USP6NL: variants seen among roughly 807,000 people sequenced by gnomAD.
The protein encoded by USP6NL is USP6 N-terminal-like protein.
A neutral mutation model predicts 61.9 loss-of-function variants in USP6NL; 26 were observed. That is an observed-to-expected ratio of 0.42 (90% confidence interval 0.31 to 0.58). The LOEUF (loss-of-function observed/expected upper bound fraction) is 0.58. Ranked by LOEUF, USP6NL falls within the 20% of genes least tolerant of loss-of-function variation. USP6NL has a pLI of 0.16. For missense variants in USP6NL, 1,114 were observed against 1,034.3 expected, an observed-to-expected ratio of 1.08 and a Z score of -1.06; for synonymous variants, 432 against 390.1, an observed-to-expected ratio of 1.11 and a Z score of -1.27.
At chr10:11,554,300 C>T (rs1455766525) in intron 2 of USP6NL, among the ~76,000 whole-genome samples, 1 of 152,184 alleles carries the variant, frequency 6.6e-6, no homozygotes, top group Non-Finnish European at 1.5e-5. Context: ...CAAGATCCTA[C>T]AGAAAAAGAA....
chr10:11,584,004 G>A (rs1486887380), intron 2 of USP6NL, among the ~76,000 whole-genome samples: 1 of 152,156 alleles, frequency 6.6e-6, no homozygotes, highest in East Asian at 1.9e-4. Flanking sequence ...ACTCCAGCCT[G>A]GGCGACACAG....
chr10:11,481,852 G>A lies in USP6NL; in HGVS notation c.996C>T (p.Phe332=), dbSNP rs544302829. 7 of 1,612,512 alleles carry A rather than the reference G, an allele frequency of 4.3e-6. No homozygotes were observed. The East Asian group carries it at 1.3e-4, about 31-fold the overall frequency. Residue 332 remains phenylalanine, a synonymous_variant, in exon 14 of 15, where the codon TTC becomes TTT. Transcript: ENST00000609104. This position sits in a 1 kb window ranked among gnomAD's most constrained non-coding sequence, Gnocchi z 4.4. ...FFQETLAKDF[F]FEDDFVIEQL... ...GCTCTATCACAAAATCATCTTCAAA[G>A]AAAAAATCCTTTGCCAGGGTCTCCT... is the stretch of plus-strand genomic sequence containing the variant.
At chr10:11,477,472 A>G (rs981032302) in intron 14 of USP6NL, among the ~76,000 whole-genome samples, 3 of 152,236 alleles carry the variant, frequency 2.0e-5, no homozygotes, top group Non-Finnish European at 4.4e-5. Context: ...TAGAAGATAA[A>G]TCAAAACATT....
At chr10:11,580,497 C>T (rs1452036568) in intron 2 of USP6NL, among the ~76,000 whole-genome samples, 1 of 152,058 alleles carries the variant, frequency 6.6e-6, no homozygotes. Flanking sequence ...ACAACAAGAA[C>T]TTAATAAAGT....
intron 1 of USP6NL, among the ~76,000 whole-genome samples, chr10:11,606,161 A>ATTTGTTGCT (rs1838701561): frequency 6.6e-6 from 1 of 152,240 alleles, no homozygotes; most frequent in South Asian, 2.1e-4. Context: ...AGCAACAAAG[A>ATTTGTTGCT]AGGAATAAAC....
chr10:11,581,395 C>T (rs1340835871), intron 2 of USP6NL, among the ~76,000 whole-genome samples: 1 of 152,254 alleles, frequency 6.6e-6, no homozygotes, highest in African/African-American at 2.4e-5. Context: ...TTGGACTCTG[C>T]TCTAAGCCTA....
intron 6 of USP6NL, among the ~76,000 whole-genome samples, chr10:11,509,011 T>G (rs1351940237): frequency 6.6e-6 from 1 of 152,230 alleles, no homozygotes; most frequent in African/African-American, 2.4e-5. Context: ...TTCTCACTGT[T>G]TAAAGACTTT....
intron 2 of USP6NL, among the ~76,000 whole-genome samples, chr10:11,593,098 G>A (rs1838206926): frequency 6.6e-6 from 1 of 152,172 alleles, no homozygotes; most frequent in Admixed American, 6.5e-5. Flanking sequence ...ACACTCCAGT[G>A]TCATAGATTC....
Position 11,591,256 on chromosome 10 carries a change from G to T in USP6NL, c.4+6375C>A, listed in dbSNP as rs1049251043. Among the ~76,000 whole-genome samples the T allele has an allele frequency of 3.3e-5, 5 of 151,864 alleles. No homozygotes were observed. Among genetic ancestry groups the T allele is most frequent in the Non-Finnish European group, 5.9e-5 (4 of 67,932 alleles). ...TTCTCTTAAGAATGGAGAGTCTCTT[G>T]AAACTATTATAAAGAAGTCATTTGG... is the stretch of plus-strand genomic sequence containing the variant. On this transcript the variant is annotated intron_variant, in intron 2 of 14. Transcript: ENST00000609104. The surrounding 1 kb of genome is among the most constrained non-coding windows in gnomAD (Gnocchi z 4.7).
intron 2 of USP6NL, among the ~76,000 whole-genome samples, chr10:11,554,612 G>T (rs796700846): frequency 2.6e-5 from 4 of 152,074 alleles, no homozygotes; most frequent in Non-Finnish European, 5.9e-5. Flanking sequence ...GCTCAAACAT[G>T]ATTGGACTAA....
chr10:11,493,027 G>A lies in USP6NL; in HGVS notation c.494+92C>T, dbSNP rs998881629. 1.9e-5 allele frequency: 21 copies of A among 1,117,638 alleles called. No homozygotes were observed. The South Asian group carries it at 2.0e-4, about 11-fold the overall frequency. The allele number at this position is 1,117,638 out of a possible 1,614,324, so 69.2% of individuals were successfully genotyped here. On this transcript the variant is annotated intron_variant, in intron 8 of 14. Transcript: ENST00000609104. The stretch of plus-strand genomic sequence containing the variant: ...AGCTTAAACCTTTAGGACCTAAATC[G>A]AAATTACAGTCTATAAAGGCATTCT...
At position 11,525,324 on chromosome 10, in the gene USP6NL, A is replaced by C; in HGVS notation, c.155+62T>G. On this transcript the variant is annotated intron_variant, in intron 4 of 14. Coordinates refer to ENST00000609104, the MANE Select transcript of USP6NL (RefSeq NM_014688.5). This position sits in a 1 kb window ranked among gnomAD's most constrained non-coding sequence, Gnocchi z 5.0. ...TATATTAAAAATAAAGAAAATCAAT[A>C]TAATAGGTGACCACAGAAACGTTAT... 2.3e-6 allele frequency: 3 copies of C among 1,331,246 alleles called. No individual in the cohort carries two copies. In the South Asian group the frequency reaches 4.0e-5, roughly 18 times the overall value. 82.5% of individuals were successfully genotyped at this position (1,331,246 alleles called of 1,614,324 possible).
At chr10:11,568,025 G>A (rs1035006740) in intron 2 of USP6NL, among the ~76,000 whole-genome samples, 3 of 152,032 alleles carry the variant, frequency 2.0e-5, no homozygotes, top group African/African-American at 4.8e-5. Context: ...AACCACTCAC[G>A]TAACTGTGGA....
rs61844562 is a variant in USP6NL, at chr10:11,513,905, C to A, written c.196-4230G>T. Among the ~76,000 whole-genome samples, 17,212 of 152,194 alleles carry A rather than the reference C, an allele frequency of 0.11. 1,285 individuals carry two copies. The highest frequency in any genetic ancestry group is 0.16 in the East Asian group (829 of 5,176). On this transcript the variant is annotated intron_variant, in intron 5 of 14. Coordinates refer to ENST00000609104, the MANE Select transcript of USP6NL (RefSeq NM_014688.5). The surrounding 1 kb of genome is among the most constrained non-coding windows in gnomAD (Gnocchi z 4.7). ...GCCTTGGCCTTTGTCTCTGATGACA[C>A]TGATGTTTTGAAAAGTCAAGGCCAC...
chr10:11,484,428 T>A (rs942036589), intron 13 of USP6NL, among the ~76,000 whole-genome samples: 1 of 151,882 alleles, frequency 6.6e-6, no homozygotes, highest in African/African-American at 2.4e-5. Context: ...GCTCCATTTA[T>A]CTGCCTATAG....
intron 2 of USP6NL, among the ~76,000 whole-genome samples, chr10:11,580,476 C>T (rs1015975936): frequency 6.6e-6 from 1 of 151,992 alleles, no homozygotes; most frequent in Non-Finnish European, 1.5e-5. Flanking sequence ...GGGAAATAAT[C>T]GAAATGTCCG....
chr10:11,604,969 T>C (rs2133689322), intron 1 of USP6NL, among the ~76,000 whole-genome samples: 1 of 152,340 alleles, frequency 6.6e-6, no homozygotes, highest in East Asian at 1.9e-4. Context: ...GACTACTGTA[T>C]GTTATGTGAG....
At chr10:11,603,948 T>C (rs1318922138) in intron 1 of USP6NL, among the ~76,000 whole-genome samples, 1 of 152,192 alleles carries the variant, frequency 6.6e-6, no homozygotes, top group East Asian at 1.9e-4. Context: ...TGGTGGACTA[T>C]AAGCCTTGCA....
rs1591827251 is a variant in USP6NL, at chr10:11,481,302, A to G, written c.1078+468T>C. ...AGAAAAACTGGCCTGCAGTCTCAGT[A>G]ATGCTATTTGTGGTTCTGTGGCTTC... On this transcript the variant is annotated intron_variant, in intron 14 of 14. Coordinates refer to ENST00000609104, the MANE Select transcript of USP6NL (RefSeq NM_014688.5). This position sits in a 1 kb window ranked among gnomAD's most constrained non-coding sequence, Gnocchi z 4.4. Among the ~76,000 whole-genome samples the G allele has an allele frequency of 1.4e-5, 2 of 141,036 alleles. No individual in the cohort carries two copies. Among genetic ancestry groups the G allele is most frequent in the African/African-American group, 5.2e-5 (2 of 38,364 alleles). The allele number at this position is 141,036 out of a possible 152,430, so 92.5% of individuals were successfully genotyped here. A position where few individuals can be genotyped will look rare whatever the true frequency, so the allele number is the denominator to read the frequency against.
Sources: gnomAD v4.1 joint callset for allele counts (sites outside exome capture counted in the v4.1 genomes callset) on GRCh38, gnomAD v4.1.1 for gene constraint, Gnocchi (gnomAD v3.1) non-coding constraint, MANE v1.5 for transcripts, NCBI Gene and HGNC (gene_info 2026-07-23, HGNC 2026-07-21) for gene names.